Variants in CSMD1 observed in about 807,000 individuals in gnomAD.
CSMD1 encodes the protein CUB and sushi domain-containing protein 1.
Under a neutral mutation model 417.5 loss-of-function variants are expected in CSMD1, and 213 were observed. The ratio of observed to expected loss-of-function variants is 0.51; its 90% CI spans 0.46 to 0.57. CSMD1 has a LOEUF of 0.57. Among genes scored for constraint, CSMD1 ranks in the 20% least tolerant of loss-of-function variants. The pLI is 0.00. For missense variants in CSMD1, 6,923 were observed against 4,529.7 expected (o/e 1.53, Z -15.17); for synonymous variants, 2,862 against 1,736.8 (o/e 1.65, Z -16.11).
intron 2 of CSMD1, among the ~76,000 whole-genome samples, chr8:4,597,042 C>G (rs1240777299): frequency 6.6e-6 from 1 of 152,140 alleles, no homozygotes; most frequent in Non-Finnish European, 1.5e-5. Context: ...ATCAATTCAA[C>G]CTATTTTTCT....
intron 3 of CSMD1, among the ~76,000 whole-genome samples, chr8:4,396,616 T>TACAC (rs143703195): frequency 0.013 from 1,891 of 148,658 alleles, 34 homozygotes; most frequent in East Asian, 0.1. Flanking sequence ...GAAAATGTGA[T>TACAC]ACACACACAC....
At chr8:3,933,115 T>C (rs1005923350) in intron 5 of CSMD1, among the ~76,000 whole-genome samples, 3 of 142,342 alleles carry the variant, frequency 2.1e-5, no homozygotes, top group African/African-American at 7.8e-5. Flanking sequence ...ATATATCTGG[T>C]TTATATATTT....
intron 3 of CSMD1, among the ~76,000 whole-genome samples, chr8:4,118,594 G>A (rs1408532613): frequency 6.6e-6 from 1 of 152,166 alleles, no homozygotes; most frequent in African/African-American, 2.4e-5. Flanking sequence ...GGAAACAATA[G>A]ATGCTGGCAA....
intron 7 of CSMD1, among the ~76,000 whole-genome samples, chr8:3,681,095 A>G (rs1329781213): frequency 6.6e-6 from 1 of 152,238 alleles, no homozygotes. Flanking sequence ...CTGAATGGGC[A>G]AAAACTGGAA....
At chr8:4,095,847 C>T (rs1800979690) in intron 3 of CSMD1, among the ~76,000 whole-genome samples, 1 of 152,220 alleles carries the variant, frequency 6.6e-6, no homozygotes, top group African/African-American at 2.4e-5. Flanking sequence ...GTATTTAAAA[C>T]TTTTTAAAGT....
chr8:4,758,615 T>G (rs776254614), intron 1 of CSMD1, among the ~76,000 whole-genome samples: 10 of 152,192 alleles, frequency 6.6e-5, no homozygotes, highest in Non-Finnish European at 1.0e-4. Flanking sequence ...GATGTTTAAT[T>G]GACTCAGTTC....
chr8:4,837,024 T>A (rs994553126), intron 1 of CSMD1, among the ~76,000 whole-genome samples: 1 of 147,092 alleles, frequency 6.8e-6, no homozygotes, highest in Non-Finnish European at 1.5e-5. Context: ...CTGGCCTTGA[T>A]GTTGTTGTTG....
At chr8:4,240,000 C>T (rs963387651) in intron 3 of CSMD1, among the ~76,000 whole-genome samples, 3 of 152,140 alleles carry the variant, frequency 2.0e-5, no homozygotes, top group Admixed American at 6.6e-5. Flanking sequence ...ATACATAAGG[C>T]GTGTTCTGTG....
Position 3,560,272 on chromosome 8 carries a change from A to G in CSMD1, c.1344+14673T>C, listed in dbSNP as rs532212394. Among the ~76,000 whole-genome samples the G allele has an allele frequency of 2.6e-5, 4 of 152,326 alleles. No homozygotes were observed. The East Asian group carries it at 7.7e-4, about 29-fold the overall frequency. The stretch of plus-strand genomic sequence containing the variant: ...TTAACAGTAGTACTGTTAATTACTT[A>G]GAAGCATTTCCACATGCATCATTTC... On this transcript the variant is annotated intron_variant, in intron 10 of 69. Transcript: ENST00000635120.
At chr8:3,475,708 G>A (rs1405095066) in intron 11 of CSMD1, among the ~76,000 whole-genome samples, 2 of 152,208 alleles carry the variant, frequency 1.3e-5, no homozygotes, top group African/African-American at 4.8e-5. Flanking sequence ...CAGTATCGAT[G>A]TTGAACTGAA....
intron 3 of CSMD1, among the ~76,000 whole-genome samples, chr8:4,308,190 A>G (rs572760327): frequency 1.3e-5 from 2 of 152,240 alleles, no homozygotes; most frequent in Admixed American, 1.3e-4. Flanking sequence ...GTGAGTTAGG[A>G]GGTGAAGTCA....
chr8:3,276,085 G>T (rs1194634812), intron 26 of CSMD1, among the ~76,000 whole-genome samples: 2 of 152,120 alleles, frequency 1.3e-5, no homozygotes, highest in African/African-American at 4.8e-5. Context: ...CTTTGATGCT[G>T]TTGATGTACA....
chr8:4,803,121 T>C (rs1005013707), intron 1 of CSMD1, among the ~76,000 whole-genome samples: 7 of 152,312 alleles, frequency 4.6e-5, no homozygotes, highest in Non-Finnish European at 8.8e-5. Context: ...ATCATGTATA[T>C]GATTTTTTTG....
intron 2 of CSMD1, among the ~76,000 whole-genome samples, chr8:4,607,573 C>G (rs1179863675): frequency 1.3e-5 from 2 of 152,156 alleles, no homozygotes; most frequent in Non-Finnish European, 2.9e-5. Flanking sequence ...TCATTAAATG[C>G]TCATTAGCAT....
chr8:3,960,314 A>C (rs907935617), intron 5 of CSMD1, among the ~76,000 whole-genome samples: 7 of 152,198 alleles, frequency 4.6e-5, no homozygotes, highest in African/African-American at 1.2e-4. Context: ...GCAAACCTTT[A>C]AAGTACATTA....
At chr8:4,662,513 C>A (rs1321486387) in intron 1 of CSMD1, among the ~76,000 whole-genome samples, 1 of 152,126 alleles carries the variant, frequency 6.6e-6, no homozygotes, top group Admixed American at 6.6e-5. Flanking sequence ...GGTGAAAAGT[C>A]CATCTGTGTT....
intron 2 of CSMD1, among the ~76,000 whole-genome samples, chr8:4,444,545 C>G (rs548575472): frequency 2.6e-5 from 4 of 151,866 alleles, no homozygotes; most frequent in Admixed American, 6.6e-5. Context: ...TAATGTCCAT[C>G]TTTTAGGGGT....
chr8:4,032,232 T>C, intron 3 of CSMD1, 133 bp from the exon 4 acceptor site: 4 of 627,226 alleles, frequency 6.4e-6, no homozygotes, highest in Non-Finnish European at 1.1e-5. Flanking sequence ...ATATTAATTG[T>C]TGCTAAAAAA....
intron 2 of CSMD1, among the ~76,000 whole-genome samples, chr8:4,582,908 G>C (rs1041475911): frequency 6.6e-6 from 1 of 152,208 alleles, no homozygotes; most frequent in Non-Finnish European, 1.5e-5. Flanking sequence ...GGCTTGGCTG[G>C]CCCCACACTC....
Sources: allele counts gnomAD v4.1 joint callset (sites outside exome capture counted in the v4.1 genomes callset), GRCh38; gene constraint gnomAD v4.1.1; transcripts MANE v1.5; gene names NCBI Gene and HGNC (gene_info 2026-07-23, HGNC 2026-07-21).